Variants in REDIC1 observed in about 807,000 individuals in gnomAD.
REDIC1 encodes the protein regulator of DNA class I crossover intermediates 1.
chr12:39,666,367 T>A, the REDIC1 span, among the ~76,000 whole-genome samples: 1 of 152,168 alleles, frequency 6.6e-6, no homozygotes. Flanking sequence ...CTGGATTACG[T>A]TTATTGATTT....
the REDIC1 span, among the ~76,000 whole-genome samples, chr12:39,631,035 C>T: frequency 1.3e-5 from 2 of 152,116 alleles, no homozygotes; most frequent in South Asian, 2.1e-4. Context: ...ATTACAGGAA[C>T]CTGCCACTAT....
chr12:39,732,413 TAGG>T, the REDIC1 span, among the ~76,000 whole-genome samples: 11 of 152,194 alleles, frequency 7.2e-5, no homozygotes, highest in Non-Finnish European at 1.0e-4. Flanking sequence ...GTTTTTTCAT[TAGG>T]AGGCTCGTAA....
At chr12:39,686,971 C>A in the REDIC1 span, among the ~76,000 whole-genome samples, 1 of 152,180 alleles carries the variant, frequency 6.6e-6, no homozygotes, top group Non-Finnish European at 1.5e-5. Context: ...CTGCCAAGTT[C>A]TTTGCTAACA....
the REDIC1 span, among the ~76,000 whole-genome samples, chr12:39,749,340 G>C: frequency 6.6e-6 from 1 of 152,064 alleles, no homozygotes; most frequent in Non-Finnish European, 1.5e-5. Context: ...TAAATTCCTC[G>C]ACACATACAC....
the REDIC1 span, among the ~76,000 whole-genome samples, chr12:39,681,512 T>C: frequency 3.3e-5 from 5 of 152,216 alleles, no homozygotes; most frequent in Admixed American, 2.0e-4. Flanking sequence ...GCTTAATATC[T>C]TATAAAGTGC....
At chr12:39,783,086 G>A in the REDIC1 span, among the ~76,000 whole-genome samples, 2 of 152,110 alleles carry the variant, frequency 1.3e-5, no homozygotes, top group African/African-American at 4.8e-5. Flanking sequence ...TGTTCTCATC[G>A]TTCAAGTCCC....
the REDIC1 span, chr12:39,871,861 G>T: frequency 6.2e-7 from 1 of 1,612,604 alleles, no homozygotes; most frequent in Non-Finnish European, 8.5e-7. Flanking sequence ...ACTCCCACAA[G>T]TGTGAAAATG....
the REDIC1 span, among the ~76,000 whole-genome samples, chr12:39,726,759 A>C: frequency 6.6e-6 from 1 of 152,182 alleles, no homozygotes. Flanking sequence ...ACAATGGTTG[A>C]ACTAATTTAC....
chr12:39,851,355 T>C, the REDIC1 span, among the ~76,000 whole-genome samples: 30 of 152,202 alleles, frequency 2.0e-4, no homozygotes, highest in Non-Finnish European at 2.9e-5. Flanking sequence ...ATAAAAATCA[T>C]ATTAGGCTGA....
the REDIC1 span, among the ~76,000 whole-genome samples, chr12:39,887,806 A>G: frequency 5.3e-5 from 8 of 152,208 alleles, no homozygotes; most frequent in African/African-American, 1.9e-4. Context: ...TCACTGATGT[A>G]GTATATGTTT....
At chr12:39,887,074 A>G in the REDIC1 span, among the ~76,000 whole-genome samples, 3 of 152,338 alleles carry the variant, frequency 2.0e-5, no homozygotes, top group African/African-American at 7.2e-5. Context: ...AGAGACTGTT[A>G]TGGAAATTCT....
chr12:39,712,690 CGT>C, the REDIC1 span, among the ~76,000 whole-genome samples: 1 of 3,408 alleles, frequency 2.9e-4, no homozygotes, highest in Non-Finnish European at 7.7e-4. Context: ...TGTATATATA[CGT>C]ATACGTGTAT....
At chr12:39,900,422 C>T in the REDIC1 span, among the ~76,000 whole-genome samples, 63,808 of 151,602 alleles carry the variant, frequency 0.42, 13,814 homozygotes, top group East Asian at 0.76. Flanking sequence ...ATGACATGAT[C>T]GTATATCTAG....
At chr12:39,641,185 G>T in the REDIC1 span, among the ~76,000 whole-genome samples, 1 of 151,802 alleles carries the variant, frequency 6.6e-6, no homozygotes, top group East Asian at 1.9e-4. Flanking sequence ...GTTGATTCCT[G>T]CTGTCCTTCT....
chr12:39,693,523 C>T, the REDIC1 span, among the ~76,000 whole-genome samples: 2 of 151,630 alleles, frequency 1.3e-5, no homozygotes, highest in South Asian at 2.1e-4. Context: ...AGTTTCCAGC[C>T]TTTCTCATTC....
the REDIC1 span, among the ~76,000 whole-genome samples, chr12:39,743,435 C>G: frequency 4.9e-3 from 752 of 152,278 alleles, 13 homozygotes; most frequent in African/African-American, 0.017. Flanking sequence ...TAGCCCAGTA[C>G]AGTATGTCTA....
the REDIC1 span, among the ~76,000 whole-genome samples, chr12:39,824,817 C>A: frequency 6.6e-6 from 1 of 151,422 alleles, no homozygotes; most frequent in Admixed American, 6.6e-5. Context: ...ACAGAAACTG[C>A]AAGGAAAAAG....
chr12:39,659,623 A>G, the REDIC1 span, among the ~76,000 whole-genome samples: 1 of 151,946 alleles, frequency 6.6e-6, no homozygotes, highest in Middle Eastern at 3.4e-3. Context: ...TTTATCTTCC[A>G]TGTATCTATT....
At chr12:39,711,829 GTATATGTGTGTA>G in the REDIC1 span, among the ~76,000 whole-genome samples, 1 of 80,584 alleles carries the variant, frequency 1.2e-5, no homozygotes, top group South Asian at 4.1e-4. Context: ...ACATGCATGT[GTATATGTGTGTA>G]TACACATGCA....
Sources: gnomAD v4.1 joint callset for allele counts (sites outside exome capture counted in the v4.1 genomes callset) on GRCh38, gnomAD v4.1.1 for gene constraint, MANE v1.5 for transcripts, NCBI Gene and HGNC (gene_info 2026-07-23, HGNC 2026-07-21) for gene names.